CDH23: variants seen among roughly 807,000 people sequenced by gnomAD.
The protein encoded by CDH23 is cadherin-23.
CDH23 carries 189 observed loss-of-function variants against 317.1 expected under a neutral mutation model. That is an observed-to-expected ratio of 0.60 (90% confidence interval 0.53 to 0.67). The LOEUF (loss-of-function observed/expected upper bound fraction) is 0.67. Ranked by LOEUF, CDH23 falls within the 30% of genes least tolerant of loss-of-function variation. The probability of loss-of-function intolerance (pLI) is 0.00; values close to 1 mark genes in which losing one functional copy is unlikely to be tolerated. For synonymous variants in CDH23, 1,839 were observed against 1,876.8 expected (o/e 0.98, Z 0.52); for missense variants, 4,401 against 4,592.4 (o/e 0.96, Z 1.20).
chr10:71,680,694 G>A (rs906341294), intron 17 of CDH23, among the ~76,000 whole-genome samples: 1 of 131,878 alleles, frequency 7.6e-6, no homozygotes, highest in African/African-American at 2.9e-5. Context: ...GTTGCAGGGA[G>A]CCCAGGTTGC....
chr10:71,451,572 C>T (rs1564588675), intron 3 of CDH23, among the ~76,000 whole-genome samples: 1 of 152,240 alleles, frequency 6.6e-6, no homozygotes, highest in Non-Finnish European at 1.5e-5. Flanking sequence ...ACATTATGAA[C>T]CTGCGCTTAC....
At chr10:71,645,349 C>G (rs997885244) in intron 12 of CDH23, among the ~76,000 whole-genome samples, 46 of 152,300 alleles carry the variant, frequency 3.0e-4, no homozygotes, top group Admixed American at 2.3e-3. Context: ...TGGACACGTT[C>G]CAGAGGAGGA....
chr10:71,692,342 A>G (rs192216705), intron 20 of CDH23, among the ~76,000 whole-genome samples: 1 of 151,964 alleles, frequency 6.6e-6, no homozygotes, highest in Non-Finnish European at 1.5e-5. Context: ...TGACACAGAC[A>G]TTTTCTTGCT....
At chr10:71,685,873 G>A (rs1169130775) in intron 18 of CDH23, among the ~76,000 whole-genome samples, 2 of 152,150 alleles carry the variant, frequency 1.3e-5, no homozygotes, top group Non-Finnish European at 2.9e-5. Context: ...GCTGTCACTC[G>A]GCTAAGCGGC....
At chr10:71,747,060 C>T (rs965465268) in intron 38 of CDH23, among the ~76,000 whole-genome samples, 45 of 152,196 alleles carry the variant, frequency 3.0e-4, no homozygotes, top group African/African-American at 1.1e-3. Flanking sequence ...GAAGGCTGGC[C>T]TTCCCTGACC....
At chr10:71,756,977 T>C (rs1258274802) in intron 38 of CDH23, among the ~76,000 whole-genome samples, 5 of 152,260 alleles carry the variant, frequency 3.3e-5, no homozygotes, top group Non-Finnish European at 5.9e-5. Flanking sequence ...CAGGAACAGT[T>C]GCTATGCTAA....
intron 9 of CDH23, among the ~76,000 whole-genome samples, chr10:71,607,668 C>T (rs536327870): frequency 3.3e-5 from 5 of 152,112 alleles, no homozygotes; most frequent in South Asian, 2.1e-4. Context: ...TTTTGGAGGC[C>T]GAGGCCAGAG....
chr10:71,426,097 C>T (rs913325717), intron 1 of CDH23, among the ~76,000 whole-genome samples: 12 of 152,222 alleles, frequency 7.9e-5, no homozygotes, highest in African/African-American at 2.9e-4. Context: ...GGCAGGAGGG[C>T]TTGGCAGTGA....
At chr10:71,530,272 G>A (rs1036639066) in intron 6 of CDH23, among the ~76,000 whole-genome samples, 6 of 152,190 alleles carry the variant, frequency 3.9e-5, no homozygotes, top group African/African-American at 9.7e-5. Flanking sequence ...CTCTGGACCC[G>A]TCGGCCAGGC....
chr10:71,796,210 C>T (rs983254838), intron 48 of CDH23: 4 of 556,942 alleles, frequency 7.2e-6, no homozygotes, highest in Admixed American at 6.4e-5. Context: ...GGGATGAAGC[C>T]AATGGGAGGA....
At chr10:71,595,299 C>T (rs6480534) in intron 9 of CDH23, among the ~76,000 whole-genome samples, 41,189 of 151,954 alleles carry the variant, frequency 0.27, 6,714 homozygotes, top group African/African-American at 0.46. Context: ...CTGCCCGTTC[C>T]CCTCTTTTCC....
intron 6 of CDH23, among the ~76,000 whole-genome samples, chr10:71,524,351 T>C (rs1447243274): frequency 6.6e-6 from 1 of 152,108 alleles, no homozygotes; most frequent in Admixed American, 6.5e-5. Context: ...AGAGAGGAAT[T>C]CCATGAACCA....
intron 9 of CDH23, among the ~76,000 whole-genome samples, chr10:71,588,906 T>C (rs1313431328): frequency 2.6e-5 from 4 of 152,208 alleles, no homozygotes; most frequent in African/African-American, 7.2e-5. Flanking sequence ...TGGAGCCAGA[T>C]GGATTGTCTG....
chr10:71,531,830 G>T (rs1855388407), intron 6 of CDH23, among the ~76,000 whole-genome samples: 1 of 152,174 alleles, frequency 6.6e-6, no homozygotes, highest in Admixed American at 6.5e-5. Context: ...TTTGAACCAA[G>T]ATCTTCTTTA....
chr10:71,777,421 AGT>A (rs780265190), intron 38 of CDH23, among the ~76,000 whole-genome samples: 3 of 68,896 alleles, frequency 4.4e-5, no homozygotes, highest in African/African-American at 7.0e-5. Context: ...GTGATTGATT[AGT>A]GATGTCTGCT....
chr10:71,732,454 T>C, intron 32 of CDH23, 79 bp downstream of exon 32: 1 of 1,528,682 alleles, frequency 6.5e-7, no homozygotes, highest in Non-Finnish European at 8.8e-7. Context: ...TGCACAGCAC[T>C]CTCCTCTTTG....
rs1840003583 is a variant in CDH23 at position 71,751,582 on chromosome 10, A to G, written c.4845+9661A>G. On this transcript the variant is annotated intron_variant, in intron 38 of 69. Coordinates refer to ENST00000224721, the MANE Select transcript of CDH23 (RefSeq NM_022124.6). The surrounding 1 kb of genome is among the most constrained non-coding windows in gnomAD (Gnocchi z 4.9). ...CGTGAGGCCGTGGAACTCTTCAGGG[A>G]GGGCAGGGAGTGAGGCCGATGCCCT... is the stretch of plus-strand genomic sequence containing the variant. 2 of 1,435,838 alleles carry G rather than the reference A, an allele frequency of 1.4e-6. No individual in the cohort carries two copies. Among genetic ancestry groups the G allele is most frequent in the Non-Finnish European group, 1.9e-6 (2 of 1,071,622 alleles). The allele number at this position is 1,435,838 out of a possible 1,614,324, so 88.9% of individuals were successfully genotyped here.
At chr10:71,408,829 G>A (rs1172735190) in intron 1 of CDH23, among the ~76,000 whole-genome samples, 1 of 152,234 alleles carries the variant, frequency 6.6e-6, no homozygotes, top group African/African-American at 2.4e-5. Flanking sequence ...AAGGCCAGGT[G>A]TAGACATAGT....
chr10:71,784,158 A>G, intron 41 of CDH23, 129 bp from the exon 42 acceptor site: 1 of 909,420 alleles, frequency 1.1e-6, no homozygotes, highest in Non-Finnish European at 1.6e-6. Context: ...GGGTCACTGG[A>G]GGACCCGGGC....
Sources: allele counts gnomAD v4.1 joint callset (sites outside exome capture counted in the v4.1 genomes callset), GRCh38; gene constraint gnomAD v4.1.1; non-coding constraint Gnocchi (gnomAD v3.1); transcripts MANE v1.5; gene names NCBI Gene and HGNC (gene_info 2026-07-23, HGNC 2026-07-21).